Variants in CDH5 observed in about 807,000 individuals in gnomAD.
CDH5 encodes the protein cadherin 5.
Under a neutral mutation model 62.0 loss-of-function variants are expected in CDH5, and 28 were observed. The observed-to-expected ratio is 0.45, with a 90% CI of 0.33 to 0.62. CDH5 has a LOEUF of 0.62. Ranked by LOEUF, CDH5 falls within the 20% of genes least tolerant of loss-of-function variation. The pLI is 0.02. For missense variants in CDH5, 940 were observed against 1,065.1 expected (o/e 0.88, Z 1.63); for synonymous variants, 464 against 445.8 (o/e 1.04, Z -0.52).
chr16:66,398,239 C>T, intron 9 of CDH5, 133 bp downstream of exon 9: 6 of 1,115,228 alleles, frequency 5.4e-6, no homozygotes, highest in East Asian at 2.4e-5. Context: ...GCCCATTTTA[C>T]AGATGGAGAA....
chr16:66,389,135 A>G (rs1372403509), intron 4 of CDH5, among the ~76,000 whole-genome samples: 1 of 152,128 alleles, frequency 6.6e-6, no homozygotes. Context: ...TCAACACAAT[A>G]TTTCAGGTGG....
chr16:66,400,775 C>T lies in CDH5; in HGVS notation c.1596C>T (p.Asn532=). The stretch of plus-strand genomic sequence containing the variant: ...CCGAGGCCTTGGTGTTTCCAGATAA[C>T]ACGGCCAACATCACAGTCAAGTATG... The part of the protein sequence containing the change: ...NNFTLTDNHD[N]TANITVKYGQ... Residue 532 remains asparagine (N), a synonymous_variant, in exon 11 of 12, where the codon AAC becomes AAT. Transcript: ENST00000341529. The T allele has an allele frequency of 1.2e-6, 2 of 1,614,186 alleles. No homozygotes were observed. Among genetic ancestry groups the T allele is most frequent in the Non-Finnish European group, 1.7e-6 (2 of 1,180,046 alleles).
At chr16:66,370,874 G>A (rs964128892) in intron 1 of CDH5, among the ~76,000 whole-genome samples, 1 of 152,204 alleles carries the variant, frequency 6.6e-6, no homozygotes, top group Non-Finnish European at 1.5e-5. Context: ...AGGCTGGAAG[G>A]GGCAGGGAAG....
intron 1 of CDH5, chr16:66,377,350 CCAGG>C (rs1282682779): frequency 6.6e-6 from 1 of 152,216 alleles, no homozygotes; most frequent in African/African-American, 2.4e-5. Context: ...AGGGCCTCTC[CCAGG>C]CATATGGCAC....
At chr16:66,393,619 G>A (rs1961126637) in intron 7 of CDH5, among the ~76,000 whole-genome samples, 1 of 152,170 alleles carries the variant, frequency 6.6e-6, no homozygotes, top group African/African-American at 2.4e-5. Context: ...CTCCAACACT[G>A]GGGATTACAT....
chr16:66,379,105 T>C, intron 1 of CDH5: 2 of 543,714 alleles, frequency 3.7e-6, no homozygotes, highest in Non-Finnish European at 6.4e-6. Flanking sequence ...TTATCTTAAA[T>C]GCGCTTGTTT....
intron 1 of CDH5, among the ~76,000 whole-genome samples, chr16:66,368,905 G>T (rs570397245): frequency 2.1e-4 from 32 of 152,206 alleles, no homozygotes; most frequent in Non-Finnish European, 3.7e-4. Context: ...TAGGAGGCAG[G>T]GCCTCAGGAG....
intron 3 of CDH5, 142 bp downstream of exon 3, chr16:66,387,239 T>A (rs1961003066): frequency 5.1e-6 from 4 of 780,826 alleles, no homozygotes; most frequent in Non-Finnish European, 8.0e-6. Flanking sequence ...CCACTTTACA[T>A]GATTTGAAAG....
In CDH5 at chr16:66,390,483, C is replaced by T; in HGVS notation, c.862C>T (p.Pro288Ser). 6.2e-7 allele frequency: 1 copy of T among 1,614,110 alleles called. No individual in the cohort carries two copies. Among genetic ancestry groups the T allele is most frequent in the Non-Finnish European group, 8.5e-7 (1 of 1,180,004 alleles). Reference protein sequence around the residue: ...GSLFVEDPDEPQNRMTKYSIL... With the variant: ...GSLFVEDPDESQNRMTKYSIL... ...TCTGTTTGTTGAGGACCCAGATGAG[C>T]CCCAGAACCGGATGACCAAGTACAG... The change falls in exon 6 of 12, where the codon CCC becomes TCC. Residue 288 changes from proline to serine, a missense_variant. By Grantham distance (74) the Pro-to-Ser change is moderately conservative. Coordinates refer to ENST00000341529, the MANE Select transcript of CDH5 (RefSeq NM_001795.5).
At chr16:66,373,611 T>A (rs1960732427) in intron 1 of CDH5, among the ~76,000 whole-genome samples, 1 of 152,010 alleles carries the variant, frequency 6.6e-6, no homozygotes, top group African/African-American at 2.4e-5. Context: ...GAGACAGGAT[T>A]TCACCATGTT....
intron 1 of CDH5, among the ~76,000 whole-genome samples, chr16:66,372,757 C>A (rs1308236005): frequency 6.6e-6 from 1 of 152,124 alleles, no homozygotes; most frequent in Non-Finnish European, 1.5e-5. Context: ...AGTCGTCCCC[C>A]TTATTTTCCA....
intron 1 of CDH5, among the ~76,000 whole-genome samples, chr16:66,371,714 G>C (rs936440890): frequency 6.6e-6 from 1 of 152,172 alleles, no homozygotes; most frequent in Non-Finnish European, 1.5e-5. Flanking sequence ...TTGGCCCCTG[G>C]AATCTAAGGC....
chr16:66,386,759 A>C, intron 2 of CDH5, 50 bp from the exon 3 acceptor site: 1 of 1,509,618 alleles, frequency 6.6e-7, no homozygotes. Flanking sequence ...ACACACTCAC[A>C]CACAGCCACT....
chr16:66,400,750 C>T (rs1455655644), intron 10 of CDH5, 21 bp from the exon 11 acceptor site: 2 of 1,614,070 alleles, frequency 1.2e-6, no homozygotes, highest in Admixed American at 1.7e-5. Context: ...AAGCCTGACT[C>T]CGAGGCCTTG....
At chr16:66,372,711 G>A (rs1257128118) in intron 1 of CDH5, among the ~76,000 whole-genome samples, 4 of 152,130 alleles carry the variant, frequency 2.6e-5, no homozygotes, top group South Asian at 4.1e-4. Context: ...AGAGGCCTCT[G>A]CGGTCCCAAC....
Position 66,379,419 on chromosome 16 carries a change from G to T in CDH5, c.82G>T (p.Ala28Ser). The T allele has an allele frequency of 6.2e-7, 1 of 1,614,188 alleles. No individual in the cohort carries two copies. Among genetic ancestry groups the T allele is most frequent in the Non-Finnish European group, 8.5e-7 (1 of 1,180,038 alleles). ...AGTGGCAGCAGTGGCAGCAGCAGGT[G>T]CTAACCCTGCCCAACGGGACACCCA... The part of the protein sequence containing the change: ...LAVAAVAAAG[A>S]NPAQRDTHSL... The change falls in exon 2 of 12, where the codon GCT becomes TCT. Residue 28 changes from alanine to serine, a missense_variant. Ala to Ser is a moderately conservative substitution (Grantham distance 99, BLOSUM62 1). Coordinates refer to ENST00000341529, the MANE Select transcript of CDH5 (RefSeq NM_001795.5).
chr16:66,381,778 G>A (rs933603331), intron 2 of CDH5, among the ~76,000 whole-genome samples: 2 of 152,152 alleles, frequency 1.3e-5, no homozygotes, highest in Non-Finnish European at 2.9e-5. Context: ...TGCAAATAAA[G>A]TTTTATTGGA....
chr16:66,372,857 G>A (rs980032898), intron 1 of CDH5, among the ~76,000 whole-genome samples: 43 of 152,164 alleles, frequency 2.8e-4, no homozygotes, highest in African/African-American at 9.4e-4. Flanking sequence ...GGGTCCTCCA[G>A]ACCTCCCCAG....
intron 2 of CDH5, among the ~76,000 whole-genome samples, chr16:66,383,920 A>G (rs1321573125): frequency 6.6e-6 from 1 of 151,058 alleles, no homozygotes; most frequent in Non-Finnish European, 1.5e-5. Flanking sequence ...CACCCTATCA[A>G]CCCCTGTCAG....
Sources: gnomAD v4.1 joint callset for allele counts (sites outside exome capture counted in the v4.1 genomes callset) on GRCh38, gnomAD v4.1.1 for gene constraint, MANE v1.5 for transcripts, NCBI Gene and HGNC (gene_info 2026-07-23, HGNC 2026-07-21) for gene names.